Variants in PSPC1 observed in about 807,000 individuals in gnomAD.
PSPC1 encodes the protein paraspeckle component 1, also known as paraspeckle protein 1.
In PSPC1, 14 loss-of-function variants were observed where a neutral mutation model predicts 51.6. The observed-to-expected ratio is 0.27, with a 90% CI of 0.18 to 0.42. The LOEUF is 0.42. Among genes scored for constraint, PSPC1 ranks in the 10% least tolerant of loss-of-function variants. PSPC1 has a pLI of 1.00. For synonymous variants in PSPC1, 193 were observed against 231.9 expected (o/e 0.83, Z 1.53); for missense variants, 406 against 701.1 (o/e 0.58, Z 4.75).
intron 5 of PSPC1, among the ~76,000 whole-genome samples, chr13:19,733,790 T>C (rs61950563): frequency 1.3e-5 from 1 of 79,974 alleles, no homozygotes; most frequent in Non-Finnish European, 3.0e-5. Context: ...AAAAAAAATA[T>C]ATATATATAT....
chr13:19,781,499 T>C (rs979943260), intron 1 of PSPC1, among the ~76,000 whole-genome samples: 1 of 152,174 alleles, frequency 6.6e-6, no homozygotes, highest in Non-Finnish European at 1.5e-5. Context: ...ATTTATGAAG[T>C]AGTACTGTGT....
chr13:19,721,622 T>G (rs549809924), intron 6 of PSPC1, among the ~76,000 whole-genome samples: 5 of 152,326 alleles, frequency 3.3e-5, no homozygotes, highest in Admixed American at 3.3e-4. Context: ...TTGAGCTGTT[T>G]CTTTTAACAT....
intron 8 of PSPC1, among the ~76,000 whole-genome samples, chr13:19,704,907 T>G (rs1176427706): frequency 6.6e-6 from 1 of 152,204 alleles, no homozygotes; most frequent in East Asian, 1.9e-4. Context: ...ACAAAAACTT[T>G]AATGTTAATT....
chr13:19,751,515 C>A lies in PSPC1; in HGVS notation c.771-48G>T, dbSNP rs760617138. On this transcript the variant is annotated intron_variant, in intron 3 of 8. Coordinates refer to ENST00000338910, the MANE Select transcript of PSPC1 (RefSeq NM_001354909.2). Reference sequence around the variant, plus strand: ...AGAAATGTATGCTTAAAAGGTAAAACAACAACAAATGAGAACAACAAGCAC... The same window carrying A: ...AGAAATGTATGCTTAAAAGGTAAAAAAACAACAAATGAGAACAACAAGCAC... 350 of 1,332,004 alleles carry A rather than the reference C, an allele frequency of 2.6e-4. 2 individuals carry two copies. Among genetic ancestry groups the A allele is most frequent in the Admixed American group, 2.7e-4 (8 of 29,688 alleles). 82.5% of individuals were successfully genotyped at this position (1,332,004 alleles called of 1,614,324 possible).
downstream of PSPC1, chr13:19,673,048 T>TTGTC (rs1167914621): frequency 6.8e-6 from 3 of 442,526 alleles, no homozygotes; most frequent in African/African-American, 6.3e-5. Context: ...GAATGAGACC[T>TTGTC]TGTCTCAAAA....
At chr13:19,717,859 G>A (rs1015099789) in intron 6 of PSPC1, among the ~76,000 whole-genome samples, 1 of 148,158 alleles carries the variant, frequency 6.7e-6, no homozygotes, top group African/African-American at 2.6e-5. Flanking sequence ...GTGGGCGACA[G>A]AGGGAGACTC....
chr13:19,702,466 T>C (rs1305298071), downstream of PSPC1: 2 of 152,210 alleles, frequency 1.3e-5, no homozygotes, highest in African/African-American at 2.4e-5. Flanking sequence ...TAGACATTAT[T>C]TTTTATAAGC....
rs1237405152 is a variant in PSPC1 at position 19,782,374 on chromosome 13, C to A, written c.372+12G>T. The A allele has an allele frequency of 4.4e-6, 7 of 1,575,112 alleles. No homozygotes were observed. The highest frequency in any genetic ancestry group is 5.2e-6 in the Non-Finnish European group (6 of 1,160,886). ...GTCCTTTTGTTCCCTCGCGCGGGCG[C>A]CTGACACTCACCAAGCGGATGAAGC... On this transcript the variant is annotated intron_variant, in intron 1 of 8. Transcript: ENST00000338910. This position sits in a 1 kb window ranked among gnomAD's most constrained non-coding sequence, Gnocchi z 4.5.
At chr13:19,729,536 C>CA (rs551133605) in intron 6 of PSPC1, among the ~76,000 whole-genome samples, 14,838 of 94,976 alleles carry the variant, frequency 0.16, 1,210 homozygotes, top group African/African-American at 0.31. Context: ...GATTCCGTCT[C>CA]AAAAAAAAAA....
intron 6 of PSPC1, among the ~76,000 whole-genome samples, chr13:19,726,684 T>G (rs1039237802): frequency 2.1e-4 from 32 of 152,042 alleles, no homozygotes; most frequent in South Asian, 2.1e-4. Context: ...GAAAGAGGAC[T>G]GCTTGAGCCC....
chr13:19,773,093 G>A (rs1312470040), intron 1 of PSPC1, among the ~76,000 whole-genome samples: 2 of 152,028 alleles, frequency 1.3e-5, no homozygotes, highest in East Asian at 3.9e-4. Context: ...CTAGGAGGCA[G>A]AGGTTGCAGT....
chr13:19,714,372 T>C (rs145561588), intron 6 of PSPC1, among the ~76,000 whole-genome samples: 1 of 152,178 alleles, frequency 6.6e-6, no homozygotes, highest in Non-Finnish European at 1.5e-5. Context: ...ATAAATACAT[T>C]AGCATTTTGG....
intron 2 of PSPC1, among the ~76,000 whole-genome samples, chr13:19,760,682 T>C (rs1340464235): frequency 6.6e-6 from 1 of 151,862 alleles, no homozygotes; most frequent in Non-Finnish European, 1.5e-5. Flanking sequence ...GACGAGATCC[T>C]GTCTCTATAA....
Position 19,696,491 on chromosome 13 carries a change from ACACACACGCACACACACACACACATACG to A in PSPC1, c.1159-18696_1159-18669del, listed in dbSNP as rs1312151232. ...ATAATTTTGAGTAGGCCTTTATCAC[ACACACACGCACACACACACACACATACG>A]CACACACACACACATATCTGACGCT... is the stretch of plus-strand genomic sequence containing the variant. On this transcript the variant is annotated intron_variant and NMD_transcript_variant, in intron 6 of 7. Transcript: ENST00000471658. 3.0e-3 allele frequency among the ~76,000 whole-genome samples: 425 copies of A among 142,544 alleles called. 18 individuals are homozygous for A. In the Admixed American group the frequency reaches 0.03, roughly 10 times the overall value. The allele number at this position is 142,544 out of a possible 152,430, so 93.5% of individuals were successfully genotyped here. A position where few individuals can be genotyped will look rare whatever the true frequency, so the allele number is the denominator to read the frequency against.
chr13:19,762,274 C>T (rs189796653), intron 2 of PSPC1, among the ~76,000 whole-genome samples: 1 of 152,308 alleles, frequency 6.6e-6, no homozygotes, highest in Admixed American at 6.5e-5. Flanking sequence ...AAAGATCAAT[C>T]AGGCTGGGCG....
chr13:19,782,139 A>G lies in PSPC1; in HGVS notation c.372+247T>C, dbSNP rs1388824912. 6.6e-6 allele frequency among the ~76,000 whole-genome samples: 1 copy of G among 152,356 alleles called. No individual in the cohort carries two copies. The highest frequency in any genetic ancestry group is 1.5e-5 in the Non-Finnish European group (1 of 68,030). ...AGCAGGCCTGCAGCCACCGCAAAGC[A>G]CGATCGGCGCACGGCAGAAAACGGC... On this transcript the variant is annotated intron_variant, in intron 1 of 8. Transcript: ENST00000338910. The surrounding 1 kb of genome is among the most constrained non-coding windows in gnomAD (Gnocchi z 4.5).
chr13:19,768,696 T>C (rs1888314393), intron 2 of PSPC1, among the ~76,000 whole-genome samples: 1 of 150,432 alleles, frequency 6.6e-6, no homozygotes, highest in South Asian at 2.1e-4. Flanking sequence ...TCTAAAAAAA[T>C]GGACAAAAAA....
intron 8 of PSPC1, among the ~76,000 whole-genome samples, chr13:19,704,423 G>A (rs1593571882): frequency 1.3e-5 from 2 of 152,274 alleles, no homozygotes; most frequent in South Asian, 4.1e-4. Flanking sequence ...TCAACTCTAA[G>A]ACATACAATG....
intron 7 of PSPC1, among the ~76,000 whole-genome samples, chr13:19,677,506 T>C (rs896926733): frequency 2.0e-5 from 3 of 152,166 alleles, no homozygotes; most frequent in African/African-American, 7.2e-5. Flanking sequence ...TGCTGAGATA[T>C]GATGCCAGGG....
Sources: gnomAD v4.1 joint callset for allele counts (sites outside exome capture counted in the v4.1 genomes callset) on GRCh38, gnomAD v4.1.1 for gene constraint, Gnocchi (gnomAD v3.1) non-coding constraint, MANE v1.5 for transcripts, NCBI Gene and HGNC (gene_info 2026-07-23, HGNC 2026-07-21) for gene names.